RNF213: variants seen among roughly 807,000 people sequenced by gnomAD.
RNF213 encodes the protein ring finger protein 213, also known as E3 ubiquitin-protein ligase RNF213.
Under a neutral mutation model 514.4 loss-of-function variants are expected in RNF213, and 341 were observed. The ratio of observed to expected loss-of-function variants is 0.66; its 90% CI spans 0.61 to 0.73. The LOEUF (loss-of-function observed/expected upper bound fraction) is 0.73, where lower values mean the gene tolerates loss of function less well. Ranked by LOEUF, RNF213 falls within the 30% of genes least tolerant of loss-of-function variation. The probability of loss-of-function intolerance (pLI) is 0.00; values close to 1 mark genes in which losing one functional copy is unlikely to be tolerated. For missense variants in RNF213, 5,767 were observed against 6,615.6 expected, an observed-to-expected ratio of 0.87 and a Z score of 4.45; for synonymous variants, 2,655 against 2,658.2, an observed-to-expected ratio of 1.00 and a Z score of 0.04.
intron 22 of RNF213, among the ~76,000 whole-genome samples, chr17:80,335,870 G>A (rs1444060653): frequency 2.0e-5 from 3 of 151,790 alleles, no homozygotes; most frequent in Non-Finnish European, 2.9e-5. Context: ...CCAGCTACAC[G>A]GGAGGCTGAG....
chr17:80,336,709 C>A, intron 23 of RNF213: 1 of 353,576 alleles, frequency 2.8e-6, no homozygotes. Context: ...TTGTTATTTT[C>A]TATAATTGAT....
Position 80,290,566 on chromosome 17 carries a change from C to G in RNF213, c.1113-4C>G. 1 of 1,613,668 alleles carries G rather than the reference C, an allele frequency of 6.2e-7. No individual in the cohort carries two copies. Among genetic ancestry groups the G allele is most frequent in the Non-Finnish European group, 8.5e-7 (1 of 1,180,036 alleles). On this transcript the variant is annotated splice_region_variant and splice_polypyrimidine_tract_variant and intron_variant, in intron 6 of 67. Transcript: ENST00000582970. ...ATCAGATTTCTGTTTTGGTTTTCCA[C>G]CAGCACGCTGAGCCCGGGTGGAGGA...
Position 80,364,522 on chromosome 17 carries a change from T to C in RNF213, c.11840T>C (p.Leu3947Pro), listed in dbSNP as rs1324543776. The C allele has an allele frequency of 1.2e-6, 2 of 1,614,040 alleles. No homozygotes were observed. Among genetic ancestry groups the C allele is most frequent in the African/African-American group, 2.7e-5 (2 of 74,920 alleles). Residue 3947 changes from leucine (L) to proline (P), a missense_variant, in exon 42 of 68, where the codon CTG becomes CCG. Coordinates refer to ENST00000582970, the MANE Select transcript of RNF213 (RefSeq NM_001256071.3). ...TESRVPELQG[L>P]VTEHVFLLDK... ...AGCCGCGTCCCCGAGTTACAGGGGC[T>C]GGTGACCGAGCACGTCTTCTTACTA...
Position 80,352,765 on chromosome 17 carries a change from G to C in RNF213, c.10304-175G>C, listed in dbSNP as rs568109884. ...TGGGCATAGAATCGGGTCGTGTATA[G>C]TATCGGGTTGGGTGGTTTCTGCGCA... On this transcript the variant is annotated intron_variant, in intron 32 of 67. Coordinates refer to ENST00000582970, the MANE Select transcript of RNF213 (RefSeq NM_001256071.3). 59 of 896,788 alleles carry C rather than the reference G, an allele frequency of 6.6e-5. 1 individual carries two copies. In the East Asian group the frequency reaches 1.4e-3, roughly 21 times the overall value. 55.6% of individuals were successfully genotyped at this position (896,788 alleles called of 1,614,324 possible).
At chr17:80,350,017 G>A (rs2078448923) in intron 30 of RNF213, 111 bp downstream of exon 30, 11 of 1,180,100 alleles carry the variant, frequency 9.3e-6, no homozygotes, top group Middle Eastern at 5.4e-4. Context: ...TCACGTGACT[G>A]TGAAATAGAT....
In RNF213 at chr17:80,385,189, C is replaced by T; in HGVS notation, c.14455+18C>T. The T allele has an allele frequency of 6.2e-7, 1 of 1,614,126 alleles. No individual in the cohort carries two copies. The highest frequency in any genetic ancestry group is 2.2e-5 in the East Asian group (1 of 44,874). On this transcript the variant is annotated intron_variant, in intron 60 of 67. Coordinates refer to ENST00000582970, the MANE Select transcript of RNF213 (RefSeq NM_001256071.3). ...CAGCTCAGGTGTGGCTCTGCTCTGA[C>T]AGGACCAGGACTGTCCCGCATTTGG...
At chr17:80,325,370 G>T (rs534850961) in intron 18 of RNF213, among the ~76,000 whole-genome samples, 172 bp downstream of exon 18, 4 of 152,196 alleles carry the variant, frequency 2.6e-5, no homozygotes, top group Admixed American at 1.3e-4. Flanking sequence ...AGTGTCTTGC[G>T]TTGTAAATAA....
chr17:80,390,367 G>A (rs1251774008), intron 67 of RNF213, among the ~76,000 whole-genome samples, 171 bp downstream of exon 67: 3 of 152,100 alleles, frequency 2.0e-5, no homozygotes. Context: ...TCTCTACTGG[G>A]TTTTCTTTAA....
In RNF213 at chr17:80,288,448, C is replaced by T; in HGVS notation, c.810+85C>T. ...GCTGCAAGGTGCTGGCGTTGCTTCC[C>T]TGCCGGGGGGAGGGGCGTCCTCTGG... On this transcript the variant is annotated intron_variant, in intron 4 of 67. Coordinates refer to ENST00000582970, the MANE Select transcript of RNF213 (RefSeq NM_001256071.3). This position sits in a 1 kb window ranked among gnomAD's most constrained non-coding sequence, Gnocchi z 4.9. 1 of 1,600,144 alleles carries T rather than the reference C, an allele frequency of 6.2e-7. No homozygotes were observed. Among genetic ancestry groups the T allele is most frequent in the Non-Finnish European group, 8.5e-7 (1 of 1,173,618 alleles).
At position 80,288,674 on chromosome 17, in the gene RNF213, G is replaced by T. The variant is rs768936570; in HGVS notation, c.852G>T (p.Gly284=). The change falls in exon 5 of 68, where the codon GGG becomes GGT. Residue 284 remains glycine (G), a synonymous_variant. Coordinates refer to ENST00000582970, the MANE Select transcript of RNF213 (RefSeq NM_001256071.3). This position sits in a 1 kb window ranked among gnomAD's most constrained non-coding sequence, Gnocchi z 4.9. Reference sequence around the variant, plus strand: ...CTGAGCCAGCCAATGCAGTTAAAGGGGCCGGGAAGGAAATGAAAGAGAAGA... The same window carrying T: ...CTGAGCCAGCCAATGCAGTTAAAGGTGCCGGGAAGGAAATGAAAGAGAAGA... ...AVAEPANAVK[G]AGKEMKEKTQ... 2.5e-6 allele frequency: 4 copies of T among 1,614,052 alleles called. No individual in the cohort carries two copies. In the African/African-American group the frequency reaches 5.3e-5, roughly 22 times the overall value.
intron 40 of RNF213, 69 bp downstream of exon 40, chr17:80,363,383 G>A: frequency 6.8e-7 from 1 of 1,471,696 alleles, no homozygotes. Context: ...GGAATGGAGA[G>A]CTTCTGGGGC....
At chr17:80,304,917 G>A (rs2143550661) in intron 11 of RNF213, among the ~76,000 whole-genome samples, 1 of 152,198 alleles carries the variant, frequency 6.6e-6, no homozygotes, top group Middle Eastern at 3.4e-3. Context: ...TCTGTCTCTA[G>A]GATTTTGACT....
rs989165498 is a variant in RNF213 at position 80,331,988 on chromosome 17, T to C, written c.3518-18T>C. On this transcript the variant is annotated intron_variant, in intron 20 of 67. Coordinates refer to ENST00000582970, the MANE Select transcript of RNF213 (RefSeq NM_001256071.3). ...GATTAGAGCTTTGACTTCTGACACTTTCTTTTCGCTTCTAAAGTGGACTTT... is the reference window on the plus strand; with the variant it reads ...GATTAGAGCTTTGACTTCTGACACTCTCTTTTCGCTTCTAAAGTGGACTTT... 111 of 1,525,238 alleles carry C rather than the reference T, an allele frequency of 7.3e-5. No individual in the cohort carries two copies. The highest frequency in any genetic ancestry group is 9.3e-5 in the Non-Finnish European group (106 of 1,138,720). 94.5% of individuals were successfully genotyped at this position (1,525,238 alleles called of 1,614,324 possible).
intron 8 of RNF213, among the ~76,000 whole-genome samples, chr17:80,293,950 G>C (rs1223358033): frequency 1.3e-5 from 2 of 152,186 alleles, no homozygotes; most frequent in South Asian, 2.1e-4. Flanking sequence ...TGCAGAGCTG[G>C]GGTGGGCGGG....
chr17:80,355,322 AACG>A (rs1568121512), intron 36 of RNF213: 1 of 447,898 alleles, frequency 2.2e-6, no homozygotes. Flanking sequence ...AAGCGGGGTG[AACG>A]GTAATGGGGG....
chr17:80,343,376 C>A lies in RNF213; in HGVS notation c.6183+51C>A. 2 of 1,472,268 alleles carry A rather than the reference C, an allele frequency of 1.4e-6. No individual in the cohort carries two copies. The highest frequency in any genetic ancestry group is 1.9e-6 in the Non-Finnish European group (2 of 1,061,982). The allele number at this position is 1,472,268 out of a possible 1,614,324, so 91.2% of individuals were successfully genotyped here. Reference sequence around the variant, plus strand: ...TGGCCACATCAGTAAAGACGTGGTCCCCATGTCTCTGCGTGACTCCTCCCC... The same window carrying A: ...TGGCCACATCAGTAAAGACGTGGTCACCATGTCTCTGCGTGACTCCTCCCC... On this transcript the variant is annotated intron_variant, in intron 27 of 67. Transcript: ENST00000582970. The surrounding 1 kb of genome is among the most constrained non-coding windows in gnomAD (Gnocchi z 4.3).
chr17:80,287,760 G>A (rs528867722), intron 3 of RNF213, 55 bp from the exon 4 acceptor site: 195 of 1,582,732 alleles, frequency 1.2e-4, no homozygotes, highest in African/African-American at 5.0e-4. Flanking sequence ...AGGGAAACAC[G>A]GGCTAGAGTA....
intron 63 of RNF213, chr17:80,388,392 TTGTCATGTAATTGGC>T (rs2080325361): frequency 1.7e-6 from 1 of 576,602 alleles, no homozygotes; most frequent in South Asian, 1.9e-5. Flanking sequence ...TGACAATATC[TTGTCATGTAATTGGC>T]TGTGAGGACT....
Position 80,393,600 on chromosome 17 carries a change from A to C in RNF213, c.*102A>C. 7.5e-7 allele frequency: 1 copy of C among 1,327,598 alleles called. No individual in the cohort carries two copies. The highest frequency in any genetic ancestry group is 1.8e-5 in the Admixed American group (1 of 57,138). 82.2% of individuals were successfully genotyped at this position (1,327,598 alleles called of 1,614,324 possible). A position where few individuals can be genotyped will look rare whatever the true frequency, so the allele number is the denominator to read the frequency against. The stretch of plus-strand genomic sequence containing the variant: ...ATGGACTGGTGCCTTTGCATTCAGA[A>C]GGAGAGCTGTCAGCGTAGCACCGAA... On this transcript the variant is annotated 3_prime_UTR_variant, in exon 68 of 68. Coordinates refer to ENST00000582970, the MANE Select transcript of RNF213 (RefSeq NM_001256071.3).
Sources: allele counts gnomAD v4.1 joint callset (sites outside exome capture counted in the v4.1 genomes callset), GRCh38; gene constraint gnomAD v4.1.1; non-coding constraint Gnocchi (gnomAD v3.1); transcripts MANE v1.5; gene names NCBI Gene and HGNC (gene_info 2026-07-23, HGNC 2026-07-21).